VPS13D: variants seen among roughly 807,000 people sequenced by gnomAD.
VPS13D encodes intermembrane lipid transfer protein VPS13D.
Under a neutral mutation model 461.9 loss-of-function variants are expected in VPS13D, and 187 were observed. That is an observed-to-expected ratio of 0.40 (90% confidence interval 0.36 to 0.46). The LOEUF is 0.46. Among genes scored for constraint, VPS13D ranks in the 20% least tolerant of loss-of-function variants. The probability of loss-of-function intolerance (pLI) is 0.60; values close to 1 mark genes in which losing one functional copy is unlikely to be tolerated. For missense variants in VPS13D, 4,711 were observed against 5,364.9 expected, an observed-to-expected ratio of 0.88 and a Z score of 3.81; for synonymous variants, 1,951 against 1,986.3, an observed-to-expected ratio of 0.98 and a Z score of 0.47.
At chr1:12,232,816 A>G (rs1220674801) in intron 1 of VPS13D, among the ~76,000 whole-genome samples, 1 of 151,910 alleles carries the variant, frequency 6.6e-6, no homozygotes, top group Non-Finnish European at 1.5e-5. Context: ...CCCAGGTACC[A>G]GTAATGCAGT....
chr1:12,408,763 C>T (rs1644686631), intron 63 of VPS13D, among the ~76,000 whole-genome samples: 1 of 152,244 alleles, frequency 6.6e-6, no homozygotes, highest in African/African-American at 2.4e-5. Context: ...ACCTTTCTCT[C>T]TAGCCTTATC....
chr1:12,305,900 A>C (rs895063964), intron 26 of VPS13D, among the ~76,000 whole-genome samples: 1 of 152,182 alleles, frequency 6.6e-6, no homozygotes. Context: ...CTATGTGCCA[A>C]ACATTGTGGT....
At chr1:12,345,217 T>C (rs1643650410) in intron 42 of VPS13D, among the ~76,000 whole-genome samples, 157 bp from the exon 43 acceptor site, 1 of 152,256 alleles carries the variant, frequency 6.6e-6, no homozygotes, top group African/African-American at 2.4e-5. Context: ...CCAGTTAAAC[T>C]GTGCTCCTGA....
At chr1:12,236,900 T>C (rs1040120969) in intron 2 of VPS13D, among the ~76,000 whole-genome samples, 13 of 152,148 alleles carry the variant, frequency 8.5e-5, no homozygotes, top group African/African-American at 3.1e-4. Context: ...AACTATCTCG[T>C]AAGGTTCTGA....
rs1645589874 is a variant in VPS13D, at chr1:12,473,515, C to G, written c.12662+13119C>G. 6.6e-6 allele frequency among the ~76,000 whole-genome samples: 1 copy of G among 152,088 alleles called. No homozygotes were observed. Among genetic ancestry groups the G allele is most frequent in the African/African-American group, 2.4e-5 (1 of 41,418 alleles). ...GTGACCTGGAACAAGTTTTTCCCCT[C>G]TTAATCTCTCTGAGATGAGATTCCT... On this transcript the variant is annotated intron_variant, in intron 67 of 69. Coordinates refer to ENST00000620676, the MANE Select transcript of VPS13D (RefSeq NM_015378.4). The surrounding 1 kb of genome is among the most constrained non-coding windows in gnomAD (Gnocchi z 4.2).
At position 12,256,439 on chromosome 1, in the gene VPS13D, C is replaced by T; in HGVS notation, c.776C>T (p.Ser259Phe). ...AACTGCTCCAAGAAGCCCCTGCGGT[C>T]TCGGCACAGTCCCCGTATTGATTGT... ...KRNCSKKPLR[S>F]RHSPRIDCDI... The change falls in exon 8 of 70, where the codon TCT becomes TTT. Residue 259 changes from serine to phenylalanine, a missense_variant. Coordinates refer to ENST00000620676, the MANE Select transcript of VPS13D (RefSeq NM_015378.4). The T allele has an allele frequency of 1.2e-6, 2 of 1,614,160 alleles. No homozygotes were observed. The highest frequency in any genetic ancestry group is 1.7e-6 in the Non-Finnish European group (2 of 1,180,026).
rs1169289585 is a variant in VPS13D, at chr1:12,270,868, C to T, written c.1973-126C>T. The T allele has an allele frequency of 1.9e-5, 24 of 1,291,814 alleles. 1 individual carries two copies. In the East Asian group the frequency reaches 5.6e-4, roughly 30 times the overall value. The allele number at this position is 1,291,814 out of a possible 1,614,324, so 80.0% of individuals were successfully genotyped here. Reference sequence around the variant, plus strand: ...GTGCTGGGATTACGAGTGTGAGCCACCATGCCCAGCCTGATTTTTTTTTTT... The same window carrying T: ...GTGCTGGGATTACGAGTGTGAGCCATCATGCCCAGCCTGATTTTTTTTTTT... On this transcript the variant is annotated intron_variant, in intron 16 of 69. Transcript: ENST00000620676.
At chr1:12,285,947 C>CCTTTCCTTTG (rs1641954143) in intron 21 of VPS13D, among the ~76,000 whole-genome samples, 1 of 105,024 alleles carries the variant, frequency 9.5e-6, no homozygotes, top group African/African-American at 4.5e-5. Flanking sequence ...CCTTTCCTTT[C>CCTTTCCTTTG]CTTTCCTTTC....
In VPS13D at chr1:12,304,608, A is replaced by G; in HGVS notation, c.6319A>G (p.Thr2107Ala). Residue 2107 changes from threonine to alanine, a missense_variant, in exon 26 of 70, where the codon ACG becomes GCG. Thr to Ala is a moderately conservative substitution (Grantham distance 58). Around this residue, in one of 3 missense-constraint regions of VPS13D, gnomAD observed 4,411 missense variants for 4,937.8 expected, o/e 0.89. Transcript: ENST00000620676. ...PRGTHSQGQF[T>A]MPLAGMSLGS... is the part of the protein sequence containing the mutation. ...GGGAACCCATTCCCAGGGGCAGTTC[A>G]CGATGCCTCTTGCTGGAATGAGCCT... 6.2e-7 allele frequency: 1 copy of G among 1,614,154 alleles called. No homozygotes were observed. Among genetic ancestry groups the G allele is most frequent in the Non-Finnish European group, 8.5e-7 (1 of 1,180,028 alleles).
Position 12,299,493 on chromosome 1 carries a change from G to A in VPS13D, c.6216+109G>A. 8 of 1,294,190 alleles carry A rather than the reference G, an allele frequency of 6.2e-6. No individual in the cohort carries two copies. The highest frequency in any genetic ancestry group is 8.3e-6 in the Non-Finnish European group (8 of 967,892). 80.2% of individuals were successfully genotyped at this position (1,294,190 alleles called of 1,614,324 possible). A position where few individuals can be genotyped will look rare whatever the true frequency, so the allele number is the denominator to read the frequency against. On this transcript the variant is annotated intron_variant, in intron 25 of 69. Coordinates refer to ENST00000620676, the MANE Select transcript of VPS13D (RefSeq NM_015378.4). This position sits in a 1 kb window ranked among gnomAD's most constrained non-coding sequence, Gnocchi z 4.2. The stretch of plus-strand genomic sequence containing the variant: ...TCCATAATTGCTATTACTTTTGTAG[G>A]GTATGTGGCTTGAAGAATTTTTTTT...
At chr1:12,281,314 T>C (rs1023269414) in intron 20 of VPS13D, among the ~76,000 whole-genome samples, 2 of 152,208 alleles carry the variant, frequency 1.3e-5, no homozygotes, top group South Asian at 4.1e-4. Flanking sequence ...TACAGACAAT[T>C]GGAAGCATTG....
intron 13 of VPS13D, among the ~76,000 whole-genome samples, chr1:12,263,669 G>C (rs1641182912): frequency 1.3e-5 from 2 of 152,210 alleles, no homozygotes; most frequent in South Asian, 4.1e-4. Flanking sequence ...CAGCTTATTT[G>C]AGATTCCTGA....
At chr1:12,397,473 G>A (rs1445032329) in intron 60 of VPS13D, among the ~76,000 whole-genome samples, 1 of 152,204 alleles carries the variant, frequency 6.6e-6, no homozygotes, top group Non-Finnish European at 1.5e-5. Context: ...GAACAAAGGA[G>A]AAGACAATAT....
In VPS13D at chr1:12,299,589, G is replaced by A. The variant is rs1642364975; in HGVS notation, c.6216+205G>A. Reference sequence around the variant, plus strand: ...TAAATTATAACTCTTAGTAAATGTAGGTAGTAGAATTTTTTTTGACATTTT... The same window carrying A: ...TAAATTATAACTCTTAGTAAATGTAAGTAGTAGAATTTTTTTTGACATTTT... On this transcript the variant is annotated intron_variant, in intron 25 of 69. Coordinates refer to ENST00000620676, the MANE Select transcript of VPS13D (RefSeq NM_015378.4). The surrounding 1 kb of genome is among the most constrained non-coding windows in gnomAD (Gnocchi z 4.2). Among the ~76,000 whole-genome samples, 1 of 152,076 alleles carries A rather than the reference G, an allele frequency of 6.6e-6. No homozygotes were observed. The highest frequency in any genetic ancestry group is 2.4e-5 in the African/African-American group (1 of 41,384).
At chr1:12,246,164 T>C (rs1640544923) in intron 5 of VPS13D, among the ~76,000 whole-genome samples, 2 of 152,078 alleles carry the variant, frequency 1.3e-5, no homozygotes, top group Non-Finnish European at 2.9e-5. Flanking sequence ...TTACAAGGCG[T>C]TGGTCGCTGT....
At position 12,288,326 on chromosome 1, in the gene VPS13D, G is replaced by T; in HGVS notation, c.5725+13G>T. On this transcript the variant is annotated intron_variant, in intron 22 of 69. Coordinates refer to ENST00000620676, the MANE Select transcript of VPS13D (RefSeq NM_015378.4). ...CTGGAAATGATTGGTAAGTGGTGGGGGGTGGAGGGAAGCAAACTTGCAAAA... is the reference window on the plus strand; with the variant it reads ...CTGGAAATGATTGGTAAGTGGTGGGTGGTGGAGGGAAGCAAACTTGCAAAA... 1.2e-6 allele frequency: 2 copies of T among 1,613,118 alleles called. No individual in the cohort carries two copies. Among genetic ancestry groups the T allele is most frequent in the Non-Finnish European group, 1.7e-6 (2 of 1,179,126 alleles).
chr1:12,449,437 T>C (rs934696752), intron 65 of VPS13D, among the ~76,000 whole-genome samples: 2 of 152,098 alleles, frequency 1.3e-5, no homozygotes, highest in African/African-American at 2.4e-5. Context: ...TCCCCACCCT[T>C]TCGTGATTTG....
intron 43 of VPS13D, 88 bp from the exon 44 acceptor site, chr1:12,346,517 C>T: frequency 7.3e-7 from 1 of 1,370,342 alleles, no homozygotes. Context: ...CAAACACGAC[C>T]CTTTGAAGAA....
chr1:12,491,119 C>G (rs1429360847), intron 67 of VPS13D, among the ~76,000 whole-genome samples: 1 of 152,172 alleles, frequency 6.6e-6, no homozygotes, highest in African/African-American at 2.4e-5. Flanking sequence ...ATTGTGCACA[C>G]TCGAGCACAG....
Sources: allele counts gnomAD v4.1 joint callset (sites outside exome capture counted in the v4.1 genomes callset), GRCh38; gene constraint gnomAD v4.1.1; regional missense constraint gnomAD v4.1.1; non-coding constraint Gnocchi (gnomAD v3.1); transcripts MANE v1.5; gene names NCBI Gene and HGNC (gene_info 2026-07-23, HGNC 2026-07-21).